Variants in SHLD2 observed in about 807,000 individuals in gnomAD.
The protein encoded by SHLD2 is shieldin complex subunit 2.
Under a neutral mutation model 73.2 loss-of-function variants are expected in SHLD2, and 30 were observed. The ratio of observed to expected loss-of-function variants is 0.41; its 90% CI spans 0.31 to 0.56. SHLD2 has a LOEUF of 0.56. Among genes scored for constraint, SHLD2 ranks in the 20% least tolerant of loss-of-function variants. The probability of loss-of-function intolerance (pLI) is 0.28; values close to 1 mark genes in which losing one functional copy is unlikely to be tolerated. For missense variants in SHLD2, 745 were observed against 1,055.9 expected (o/e 0.71, Z 4.08); for synonymous variants, 285 against 370.1 (o/e 0.77, Z 2.64).
intron 2 of SHLD2, among the ~76,000 whole-genome samples, chr10:87,142,269 T>C (rs1564594014): frequency 6.6e-6 from 1 of 152,232 alleles, no homozygotes; most frequent in Admixed American, 6.5e-5. Flanking sequence ...ATTCTTTTCA[T>C]ACCTCTTTAG....
chr10:87,154,754 T>C (rs545635022), intron 3 of SHLD2, among the ~76,000 whole-genome samples: 1 of 152,232 alleles, frequency 6.6e-6, no homozygotes, highest in Admixed American at 6.5e-5. Flanking sequence ...ACACATGGTG[T>C]ATTAGAGCAG....
At chr10:87,119,111 T>C (rs1159846515) in intron 2 of SHLD2, among the ~76,000 whole-genome samples, 1 of 150,116 alleles carries the variant, frequency 6.7e-6, no homozygotes, top group African/African-American at 2.5e-5. Context: ...GAAACAACAG[T>C]TTTAAATGTA....
chr10:87,190,473 G>C lies in SHLD2; in HGVS notation c.2516-11G>C. 2 of 1,611,222 alleles carry C rather than the reference G, an allele frequency of 1.2e-6. No homozygotes were observed. The highest frequency in any genetic ancestry group is 8.5e-7 in the Non-Finnish European group (1 of 1,179,162). On this transcript the variant is annotated splice_polypyrimidine_tract_variant and intron_variant, in intron 9 of 9. Coordinates refer to ENST00000298786, the MANE Select transcript of SHLD2 (RefSeq NM_001330112.2). ...GCGATCTTGGGAGCTCTGTGTTTTT[G>C]TCTTTTGCAGTTCCTTCCTCAGAGA...
intron 2 of SHLD2, among the ~76,000 whole-genome samples, chr10:87,133,787 A>G (rs1844602896): frequency 6.6e-6 from 1 of 152,252 alleles, no homozygotes; most frequent in African/African-American, 2.4e-5. Flanking sequence ...ATCTCCCATA[A>G]AAGTACTTTT....
At chr10:87,104,509 G>T (rs974113109) in intron 2 of SHLD2, among the ~76,000 whole-genome samples, 3 of 151,038 alleles carry the variant, frequency 2.0e-5, no homozygotes, top group Non-Finnish European at 4.4e-5. Flanking sequence ...ACTCTAGCTT[G>T]GGTGACAACA....
intron 2 of SHLD2, among the ~76,000 whole-genome samples, chr10:87,132,347 A>G (rs956562102): frequency 6.6e-6 from 1 of 152,230 alleles, no homozygotes; most frequent in Non-Finnish European, 1.5e-5. Context: ...CTGATAAGAA[A>G]TTACTTAAGA....
intron 7 of SHLD2, among the ~76,000 whole-genome samples, chr10:87,178,290 AG>A (rs1848078752): frequency 6.6e-6 from 1 of 150,742 alleles, no homozygotes; most frequent in Non-Finnish European, 1.5e-5. Context: ...GAGGAGAGCA[AG>A]GGTTTAAAAA....
upstream of SHLD2, chr10:87,094,547 C>G (rs1202300701): frequency 6.2e-7 from 1 of 1,612,246 alleles, no homozygotes; most frequent in Non-Finnish European, 8.5e-7. The surrounding 1 kb of genome is among the most constrained non-coding windows in gnomAD (Gnocchi z 6.6). Context: ...GCGCCGCGAT[C>G]GAAGAAGCCC....
chr10:87,104,361 A>T (rs1410227296), intron 2 of SHLD2, among the ~76,000 whole-genome samples: 1 of 152,046 alleles, frequency 6.6e-6, no homozygotes, highest in Non-Finnish European at 1.5e-5. Context: ...CAGCCTGGCC[A>T]ACATGGTGAA....
intron 4 of SHLD2, among the ~76,000 whole-genome samples, chr10:87,158,624 A>T (rs913250668): frequency 1.3e-5 from 2 of 152,240 alleles, no homozygotes; most frequent in African/African-American, 4.8e-5. Flanking sequence ...TTGAATCCTT[A>T]TTCTCCTGTC....
intron 2 of SHLD2, among the ~76,000 whole-genome samples, chr10:87,127,543 C>CCCCCT (rs1227955027): frequency 1.0e-5 from 1 of 99,598 alleles, no homozygotes; most frequent in Non-Finnish European, 2.1e-5. Context: ...CCCCCCACCC[C>CCCCCT]GTCTGCCACC....
chr10:87,170,336 G>A (rs1847505112), intron 4 of SHLD2, 142 bp from the exon 5 acceptor site: 1 of 566,526 alleles, frequency 1.8e-6, no homozygotes, highest in East Asian at 2.9e-5. Context: ...CTTAGCTATT[G>A]TACATGTTTT....
At chr10:87,125,581 A>G (rs1402721972) in intron 2 of SHLD2, among the ~76,000 whole-genome samples, 1 of 152,126 alleles carries the variant, frequency 6.6e-6, no homozygotes, top group African/African-American at 2.4e-5. Context: ...CTGAAAATAC[A>G]AAAAAATGAG....
chr10:87,122,194 A>T (rs1159239597), intron 2 of SHLD2, among the ~76,000 whole-genome samples: 1 of 143,964 alleles, frequency 6.9e-6, no homozygotes, highest in East Asian at 2.3e-4. Context: ...AAAAAAAAAA[A>T]GGCTACATTC....
chr10:87,129,487 G>A (rs189806956), intron 2 of SHLD2, among the ~76,000 whole-genome samples: 13 of 152,180 alleles, frequency 8.5e-5, no homozygotes, highest in Non-Finnish European at 1.3e-4. Flanking sequence ...GTTTTCTCCC[G>A]TGGATTCCCC....
rs558317951 is a variant in SHLD2, at chr10:87,179,650, G to A, written c.2171-425G>A. 3.3e-5 allele frequency among the ~76,000 whole-genome samples: 5 copies of A among 152,180 alleles called. 1 individual carries two copies. The South Asian group carries it at 6.2e-4, about 19-fold the overall frequency. ...TCTCCTGACCTCGTGATCTGCCCGCGTCGGCCTCCCAAAGTGCTGGGATTA... is the reference window on the plus strand; with the variant it reads ...TCTCCTGACCTCGTGATCTGCCCGCATCGGCCTCCCAAAGTGCTGGGATTA... On this transcript the variant is annotated intron_variant, in intron 7 of 9. Coordinates refer to ENST00000298786, the MANE Select transcript of SHLD2 (RefSeq NM_001330112.2).
intron 2 of SHLD2, among the ~76,000 whole-genome samples, chr10:87,142,523 T>C (rs533592994): frequency 3.3e-5 from 5 of 152,186 alleles, no homozygotes. Context: ...AGAAGGATGG[T>C]GATTTGAGCC....
chr10:87,110,543 G>A (rs1242645532), intron 2 of SHLD2, among the ~76,000 whole-genome samples: 5 of 149,856 alleles, frequency 3.3e-5, no homozygotes, highest in South Asian at 2.1e-4. Flanking sequence ...GGAGGCAGAG[G>A]TTGCAGTGAG....
Position 87,158,131 on chromosome 10 carries a change from T to C in SHLD2, c.1609T>C (p.Tyr537His). Residue 537 changes from tyrosine to histidine, a missense_variant, in exon 4 of 10, where the codon TAT (tyrosine) becomes CAT (histidine). By Grantham distance (83) the Tyr-to-His change is moderately conservative. This residue lies in a region of SHLD2 where 418 missense variants were observed against 567.8 expected (regional missense o/e 0.74). Transcript: ENST00000298786. The stretch of plus-strand genomic sequence containing the variant: ...CAGTCAGTTATTAAATCTTGGGAGT[T>C]ATTCATCTATTCAGCCTGAAGAATG... Reference protein sequence around the residue: ...FSSQLLNLGSYSSIQPEEYSS... With the variant: ...FSSQLLNLGSHSSIQPEEYSS... The C allele has an allele frequency of 1.9e-6, 3 of 1,611,212 alleles. No homozygotes were observed. The highest frequency in any genetic ancestry group is 2.5e-6 in the Non-Finnish European group (3 of 1,179,444).
Sources: gnomAD v4.1 joint callset for allele counts (sites outside exome capture counted in the v4.1 genomes callset) on GRCh38, gnomAD v4.1.1 for gene constraint, gnomAD v4.1.1 regional missense constraint, Gnocchi (gnomAD v3.1) non-coding constraint, MANE v1.5 for transcripts, NCBI Gene and HGNC (gene_info 2026-07-23, HGNC 2026-07-21) for gene names.